Variants in CFAP97 observed in about 807,000 individuals in gnomAD.
CFAP97 encodes the protein cilia- and flagella-associated protein 97.
A neutral mutation model predicts 43.1 loss-of-function variants in CFAP97; 36 were observed. The ratio of observed to expected loss-of-function variants is 0.84; its 90% confidence interval spans 0.64 to 1.10. The LOEUF is 1.10. Ranked by LOEUF, CFAP97 falls within the 50% of genes least tolerant of loss-of-function variation. CFAP97 has a pLI of 0.00. For missense variants in CFAP97, 657 were observed against 620.3 expected (o/e 1.06, Z -0.63); for synonymous variants, 228 against 225.7 (o/e 1.01, Z -0.09).
chr4:185,201,775 G>C (rs1015613904), intron 1 of CFAP97, among the ~76,000 whole-genome samples: 2 of 152,064 alleles, frequency 1.3e-5, no homozygotes, highest in Admixed American at 1.3e-4. Flanking sequence ...ATATCTCCAA[G>C]GTATGCCTGT....
intron 2 of CFAP97, among the ~76,000 whole-genome samples, chr4:185,177,758 C>T (rs933548750): frequency 1.3e-5 from 2 of 152,116 alleles, no homozygotes; most frequent in Non-Finnish European, 2.9e-5. Flanking sequence ...TCGCTTGAAC[C>T]CAGCAGGCAG....
chr4:185,164,032 A>G lies in CFAP97; in HGVS notation c.1468T>C (p.Leu490=), dbSNP rs1286118690. The G allele has an allele frequency of 6.2e-7, 1 of 1,610,930 alleles. No homozygotes were observed. The highest frequency in any genetic ancestry group is 1.7e-5 in the Admixed American group (1 of 59,344). ...AAATAATTTCCAAAATGCTTACTTA[A>G]TGGGCTATATTGGCCAAGAGTGGAT... The part of the protein sequence containing the change: ...ARSTLGQYSP[L]RASRTSSATS... The change falls in exon 4 of 5, where the codon TTA becomes CTA. Residue 490 remains leucine, a synonymous_variant. Coordinates refer to ENST00000458385, the MANE Select transcript of CFAP97 (RefSeq NM_020827.3).
At chr4:185,192,628 T>TA (rs1736317389) in intron 1 of CFAP97, among the ~76,000 whole-genome samples, 1 of 149,462 alleles carries the variant, frequency 6.7e-6, no homozygotes, top group South Asian at 2.1e-4. Context: ...TGGTTTTTTT[T>TA]ATCTGTTTAT....
Position 185,185,961 on chromosome 4 carries a change from G to C in CFAP97, c.1054+4182C>G, listed in dbSNP as rs143703532. 3.0e-3 allele frequency among the ~76,000 whole-genome samples: 458 copies of C among 152,136 alleles called. 4 individuals carry two copies. Among genetic ancestry groups the C allele is most frequent in the African/African-American group, 0.011 (437 of 41,502 alleles). Reference sequence around the variant, plus strand: ...GCCTGCCAACATTTGTAAGCTCAGTGAAACAATATTTTCCAAATACCCAAT... The same window carrying C: ...GCCTGCCAACATTTGTAAGCTCAGTCAAACAATATTTTCCAAATACCCAAT... On this transcript the variant is annotated intron_variant, in intron 2 of 4. Coordinates refer to ENST00000458385, the MANE Select transcript of CFAP97 (RefSeq NM_020827.3).
chr4:185,185,760 C>T (rs570120354), intron 2 of CFAP97, among the ~76,000 whole-genome samples: 20 of 151,794 alleles, frequency 1.3e-4, no homozygotes, highest in Middle Eastern at 3.4e-3. Context: ...TCTCAACCTC[C>T]CCCCGCAGCT....
chr4:185,198,879 T>C (rs1407282752), intron 1 of CFAP97, among the ~76,000 whole-genome samples: 1 of 152,102 alleles, frequency 6.6e-6, no homozygotes, highest in Non-Finnish European at 1.5e-5. Context: ...TGAATGTGAC[T>C]ACAATAAACA....
chr4:185,198,726 T>C (rs1159694523), intron 1 of CFAP97, among the ~76,000 whole-genome samples: 3 of 141,968 alleles, frequency 2.1e-5, no homozygotes, highest in African/African-American at 7.9e-5. Context: ...GAGATGGAGG[T>C]TGCAGTAAGC....
At chr4:185,192,666 T>C (rs947916993) in intron 1 of CFAP97, among the ~76,000 whole-genome samples, 3 of 152,026 alleles carry the variant, frequency 2.0e-5, no homozygotes, top group African/African-American at 7.2e-5. Flanking sequence ...CTGTGTTACA[T>C]TATCTATTAC....
chr4:185,163,935 G>T, intron 4 of CFAP97, 94 bp downstream of exon 4: 1 of 1,086,086 alleles, frequency 9.2e-7, no homozygotes, highest in Non-Finnish European at 1.3e-6. Context: ...TTCCAGAGTT[G>T]GCATTTAAAA....
At chr4:185,205,214 G>C (rs1737134057), upstream of CFAP97, among the ~76,000 whole-genome samples, 1 of 152,142 alleles carries the variant, frequency 6.6e-6, no homozygotes, top group Admixed American at 6.5e-5. Context: ...CCAGCACTTC[G>C]GGAGGCCGAG....
chr4:185,203,623 G>C (rs1325303590), intron 1 of CFAP97, among the ~76,000 whole-genome samples: 2 of 152,088 alleles, frequency 1.3e-5, no homozygotes, highest in African/African-American at 4.8e-5. Context: ...TCTCAATTTA[G>C]GGCTGATCCT....
intron 3 of CFAP97, among the ~76,000 whole-genome samples, chr4:185,171,216 T>C (rs1323601260): frequency 6.6e-6 from 1 of 152,034 alleles, no homozygotes; most frequent in Non-Finnish European, 1.5e-5. Flanking sequence ...AATTTGCTAA[T>C]GAGCTAGGCG....
chr4:185,185,275 T>C (rs1735962632), intron 2 of CFAP97, among the ~76,000 whole-genome samples: 1 of 152,086 alleles, frequency 6.6e-6, no homozygotes, highest in Non-Finnish European at 1.5e-5. Flanking sequence ...CGAAGAGCAA[T>C]GCAGCAATAG....
rs116653670 is a variant in CFAP97, at chr4:185,183,759, A to G, written c.1054+6384T>C. Among the ~76,000 whole-genome samples the G allele has an allele frequency of 4.0e-3, 614 of 152,334 alleles. 2 individuals are homozygous for G. Among genetic ancestry groups the G allele is most frequent in the African/African-American group, 0.014 (577 of 41,574 alleles). On this transcript the variant is annotated intron_variant, in intron 2 of 4. Transcript: ENST00000458385. The stretch of plus-strand genomic sequence containing the variant: ...GTTATATTATGGACTCCAATAACAG[A>G]TGTACCAACTGGCAAAATGCCATGT...
chr4:185,197,742 A>G (rs1182011757), intron 1 of CFAP97, among the ~76,000 whole-genome samples: 4 of 152,148 alleles, frequency 2.6e-5, no homozygotes, highest in Admixed American at 1.3e-4. Flanking sequence ...TTCCTAGTCC[A>G]CTTAACATCC....
chr4:185,190,037 C>T, intron 2 of CFAP97, 106 bp downstream of exon 2: 1 of 815,392 alleles, frequency 1.2e-6, no homozygotes, highest in Non-Finnish European at 1.8e-6. Context: ...CAATCATTCC[C>T]AACAATAAAA....
chr4:185,199,495 C>T (rs536207853), intron 1 of CFAP97, among the ~76,000 whole-genome samples: 1 of 152,034 alleles, frequency 6.6e-6, no homozygotes, highest in African/African-American at 2.4e-5. Flanking sequence ...ATGGTGAAAC[C>T]CTGTCTCCAC....
intron 2 of CFAP97, among the ~76,000 whole-genome samples, chr4:185,181,347 C>T (rs865913288): frequency 1.0e-4 from 9 of 86,916 alleles, no homozygotes; most frequent in African/African-American, 2.6e-4. Flanking sequence ...TTTTTTGAGA[C>T]GGAGTTTTGC....
At position 185,162,449 on chromosome 4, in the gene CFAP97, A is replaced by G. The variant is rs1009000874; in HGVS notation, c.*349T>C. 49 of 220,262 alleles carry G rather than the reference A, an allele frequency of 2.2e-4. No individual in the cohort carries two copies. The highest frequency in any genetic ancestry group is 1.4e-3 in the African/African-American group (47 of 33,320). The allele number at this position is 220,262 out of a possible 1,614,324, so 13.6% of individuals were successfully genotyped here. Reference sequence around the variant, plus strand: ...GTATAACACTTATAAAGAAATGAAAATAACACAAATTGAAAACTATAGTGA... The same window carrying G: ...GTATAACACTTATAAAGAAATGAAAGTAACACAAATTGAAAACTATAGTGA... On this transcript the variant is annotated 3_prime_UTR_variant, in exon 5 of 5. Transcript: ENST00000458385.
Sources: gnomAD v4.1 joint callset for allele counts (sites outside exome capture counted in the v4.1 genomes callset) on GRCh38, gnomAD v4.1.1 for gene constraint, MANE v1.5 for transcripts, NCBI Gene and HGNC (gene_info 2026-07-23, HGNC 2026-07-21) for gene names.